Variants in SCAF8 observed in about 807,000 individuals in gnomAD.
SCAF8 encodes the protein SR-related and CTD-associated factor 8.
A neutral mutation model predicts 140.5 loss-of-function variants in SCAF8; 23 were observed. The observed-to-expected ratio is 0.16, with a 90% CI of 0.12 to 0.23. The LOEUF is 0.23. SCAF8 is among the 10% of genes least tolerant of loss of function. The probability of loss-of-function intolerance (pLI) is 1.00; values close to 1 mark genes in which losing one functional copy is unlikely to be tolerated. For synonymous variants in SCAF8, 575 were observed against 528.9 expected, an observed-to-expected ratio of 1.09 and a Z score of -1.20; for missense variants, 1,397 against 1,555.7, an observed-to-expected ratio of 0.90 and a Z score of 1.72.
chr6:154,788,028 C>G lies in SCAF8; in HGVS notation c.321+6C>G. The G allele has an allele frequency of 6.3e-7, 1 of 1,578,986 alleles. No individual in the cohort carries two copies. The highest frequency in any genetic ancestry group is 2.0e-5 in the Admixed American group (1 of 50,690). On this transcript the variant is annotated splice_donor_region_variant and intron_variant, in intron 4 of 19. Coordinates refer to ENST00000367178, the MANE Select transcript of SCAF8 (RefSeq NM_014892.5). ...GTTGCCCTGGGGATGACAAGGTATG[C>G]TACTGGTTTTTTTTTTTTGTTTTTT...
chr6:154,803,677 C>T lies in SCAF8; in HGVS notation c.863+54C>T, dbSNP rs367668279. The T allele has an allele frequency of 3.6e-5, 38 of 1,056,246 alleles. No individual in the cohort carries two copies. In the African/African-American group the frequency reaches 4.6e-4, roughly 13 times the overall value. 65.4% of individuals were successfully genotyped at this position (1,056,246 alleles called of 1,614,324 possible). On this transcript the variant is annotated intron_variant, in intron 8 of 19. Transcript: ENST00000367178. ...TTTTTTATATTTAGTGGGATGTTGC[C>T]ATCTGAATTACTAAGTATACTTAGT...
At position 154,733,815 on chromosome 6, in the gene SCAF8, G is replaced by T. The variant is rs552679665; in HGVS notation, c.-86G>T. 414 of 1,465,182 alleles carry T rather than the reference G, an allele frequency of 2.8e-4. 1 individual carries two copies. The African/African-American group carries it at 5.5e-3, about 20-fold the overall frequency. 90.8% of individuals were successfully genotyped at this position (1,465,182 alleles called of 1,614,324 possible). On this transcript the variant is annotated 5_prime_UTR_variant, in exon 1 of 20. Transcript: ENST00000367178. ...GCCAGCGCCCCCTCCTCGCGGCCAC[G>T]CAGCAGCCCGCGTCTCGCTCTCCCC...
At chr6:154,778,279 T>C (rs1286488545) in intron 3 of SCAF8, among the ~76,000 whole-genome samples, 1 of 152,216 alleles carries the variant, frequency 6.6e-6, no homozygotes, top group Non-Finnish European at 1.5e-5. Flanking sequence ...AGTTTGAGAA[T>C]CGGTGTCATG....
At chr6:154,736,847 TC>T (rs1431527600) in intron 1 of SCAF8, among the ~76,000 whole-genome samples, 1 of 152,208 alleles carries the variant, frequency 6.6e-6, no homozygotes, top group Non-Finnish European at 1.5e-5. Context: ...TCTTGTAACT[TC>T]CTTATTTATT....
chr6:154,826,022 T>C (rs1473472732), intron 17 of SCAF8, among the ~76,000 whole-genome samples: 1 of 152,122 alleles, frequency 6.6e-6, no homozygotes, highest in Non-Finnish European at 1.5e-5. Flanking sequence ...AAATACGGTA[T>C]GTTGACTTCT....
chr6:154,823,544 A>G (rs2114680383), intron 16 of SCAF8, among the ~76,000 whole-genome samples: 1 of 152,104 alleles, frequency 6.6e-6, no homozygotes, highest in East Asian at 1.9e-4. Context: ...GTACGATTGG[A>G]TTTGGGGTTA....
chr6:154,795,165 G>T, intron 6 of SCAF8, 26 bp downstream of exon 6: 1 of 1,571,272 alleles, frequency 6.4e-7, no homozygotes, highest in Non-Finnish European at 8.6e-7. Context: ...GTTATATCAA[G>T]AATAATTTAG....
chr6:154,754,203 T>C (rs1431202752), intron 1 of SCAF8, among the ~76,000 whole-genome samples: 1 of 152,254 alleles, frequency 6.6e-6, no homozygotes, highest in Admixed American at 6.5e-5. Flanking sequence ...TGTTACTTGA[T>C]CATGCTTAAA....
intron 1 of SCAF8, among the ~76,000 whole-genome samples, chr6:154,738,653 A>G (rs182964436): frequency 7.9e-5 from 12 of 152,378 alleles, no homozygotes; most frequent in African/African-American, 2.9e-4. Context: ...TAAGAGAATT[A>G]TGAGTGCAAG....
intron 1 of SCAF8, among the ~76,000 whole-genome samples, chr6:154,744,671 C>T (rs1170588937): frequency 6.6e-6 from 1 of 152,156 alleles, no homozygotes; most frequent in Non-Finnish European, 1.5e-5. Flanking sequence ...AACCATCATT[C>T]AATTTTTCAT....
intron 1 of SCAF8, among the ~76,000 whole-genome samples, chr6:154,735,817 C>A (rs548338348): frequency 1.3e-5 from 2 of 151,756 alleles, no homozygotes; most frequent in East Asian, 1.9e-4. Context: ...CCTGGTGTTT[C>A]ATTTTTTTTC....
intron 6 of SCAF8, among the ~76,000 whole-genome samples, chr6:154,796,388 T>C (rs963039963): frequency 6.7e-6 from 1 of 148,474 alleles, no homozygotes; most frequent in Non-Finnish European, 1.5e-5. Context: ...TCTCTCTCTC[T>C]CTCTGTCTCT....
At chr6:154,828,911 A>T (rs1428700961) in intron 18 of SCAF8, among the ~76,000 whole-genome samples, 2 of 152,180 alleles carry the variant, frequency 1.3e-5, no homozygotes. Flanking sequence ...TCATTTTCAT[A>T]CAATATAGAC....
rs745775500 is a variant in SCAF8, at chr6:154,818,550, A to G, written c.1593A>G (p.Lys531=). ...HRQDAFRALQ[K]LSSGSYKIGS... ...AAGATGCATTTCGAGCTCTTCAGAA[A>G]CTCAGTTCTGGATCATATAAAATTG... is the stretch of plus-strand genomic sequence containing the variant. The change falls in exon 14 of 20, where the codon AAA becomes AAG. Residue 531 remains lysine, a synonymous_variant. Coordinates refer to ENST00000367178, the MANE Select transcript of SCAF8 (RefSeq NM_014892.5). The G allele has an allele frequency of 2.5e-6, 4 of 1,608,352 alleles. No homozygotes were observed. The South Asian group carries it at 4.4e-5, about 18-fold the overall frequency.
In SCAF8 at chr6:154,773,922, T is replaced by C. The variant is rs112233681; in HGVS notation, c.31-67T>C. ...TTCATTGAGAATATAAAAATGAACA[T>C]GTTTGGTAGTTTCATGTAATTGCTT... On this transcript the variant is annotated intron_variant, in intron 1 of 19. Transcript: ENST00000367178. The C allele has an allele frequency of 7.2e-6, 7 of 968,684 alleles. No homozygotes were observed. The African/African-American group carries it at 1.1e-4, about 16-fold the overall frequency. The allele number at this position is 968,684 out of a possible 1,614,324, so 60.0% of individuals were successfully genotyped here.
chr6:154,782,349 G>C (rs751644145), intron 3 of SCAF8, among the ~76,000 whole-genome samples: 3 of 152,216 alleles, frequency 2.0e-5, no homozygotes, highest in Admixed American at 2.0e-4. Flanking sequence ...TCAGGAGGAA[G>C]TTGAGGCTGT....
intron 12 of SCAF8, among the ~76,000 whole-genome samples, chr6:154,810,553 A>G (rs1778060552): frequency 6.6e-6 from 1 of 152,236 alleles, no homozygotes. Flanking sequence ...CCAGGTCTGT[A>G]GGAATAATTA....
At chr6:154,750,453 T>G (rs12209007) in intron 1 of SCAF8, among the ~76,000 whole-genome samples, 11,153 of 152,138 alleles carry the variant, frequency 0.073, 483 homozygotes, top group African/African-American at 0.11. Context: ...AGGTTTGTCC[T>G]CCCTCCCTCC....
At chr6:154,822,210 A>G in intron 15 of SCAF8, 66 bp from the exon 16 acceptor site, 1 of 1,501,838 alleles carries the variant, frequency 6.7e-7, no homozygotes, top group Non-Finnish European at 9.0e-7. Flanking sequence ...GAAATAAATG[A>G]ATACAAAGAA....
Sources: allele counts gnomAD v4.1 joint callset (sites outside exome capture counted in the v4.1 genomes callset), GRCh38; gene constraint gnomAD v4.1.1; transcripts MANE v1.5; gene names NCBI Gene and HGNC (gene_info 2026-07-23, HGNC 2026-07-21).